FHIT: variants seen among roughly 807,000 people sequenced by gnomAD.
FHIT encodes the protein bis(5'-adenosyl)-triphosphatase.
A neutral mutation model predicts 17.9 loss-of-function variants in FHIT; 19 were observed. The observed-to-expected ratio is 1.06, with a 90% confidence interval of 0.74 to 1.56. FHIT has a LOEUF of 1.56. Ranked by LOEUF, FHIT falls within the 40% of genes most tolerant of loss-of-function variation. The probability of loss-of-function intolerance (pLI) is 0.00; values close to 1 mark genes in which losing one functional copy is unlikely to be tolerated. For synonymous variants in FHIT, 81 were observed against 69.7 expected, an observed-to-expected ratio of 1.16 and a Z score of -0.81; for missense variants, 248 against 189.2, an observed-to-expected ratio of 1.31 and a Z score of -1.82.
chr3:60,628,773 C>T (rs1553681687), intron 4 of FHIT, among the ~76,000 whole-genome samples: 1 of 152,176 alleles, frequency 6.6e-6, no homozygotes, highest in Non-Finnish European at 1.5e-5. Context: ...TGACATTCCC[C>T]CCACTGTTTC....
chr3:61,025,473 T>C (rs1437850642), intron 3 of FHIT, among the ~76,000 whole-genome samples: 1 of 152,180 alleles, frequency 6.6e-6, no homozygotes. Context: ...TAGTTTGCTC[T>C]TACCCTTTGA....
chr3:60,412,327 C>T (rs1702091804), intron 5 of FHIT, among the ~76,000 whole-genome samples: 2 of 151,998 alleles, frequency 1.3e-5, no homozygotes, highest in Non-Finnish European at 2.9e-5. Flanking sequence ...CCTCATAGTC[C>T]ATTAGCAGAT....
At chr3:60,834,510 A>T (rs1318424685) in intron 3 of FHIT, among the ~76,000 whole-genome samples, 3 of 151,380 alleles carry the variant, frequency 2.0e-5, no homozygotes, top group Non-Finnish European at 4.4e-5. Flanking sequence ...CCTTTGTCAG[A>T]TATGTAGTTT....
chr3:60,513,140 T>G (rs1044478485), intron 5 of FHIT, among the ~76,000 whole-genome samples: 1 of 152,216 alleles, frequency 6.6e-6, no homozygotes, highest in African/African-American at 2.4e-5. Flanking sequence ...TGCAGCAGAC[T>G]ACTGTTTGTT....
chr3:59,922,329 A>T lies in FHIT; in HGVS notation c.348+17T>A. The T allele has an allele frequency of 6.2e-7, 1 of 1,604,128 alleles. No homozygotes were observed. The highest frequency in any genetic ancestry group is 8.5e-7 in the Non-Finnish European group (1 of 1,170,948). On this transcript the variant is annotated intron_variant, in intron 8 of 9. Transcript: ENST00000492590. ...GTCCCCGTGATCAAACAATAAGATCAGAGAGAACAGACCCACCTCCTCATA... is the reference window on the plus strand; with the variant it reads ...GTCCCCGTGATCAAACAATAAGATCTGAGAGAACAGACCCACCTCCTCATA...
At chr3:60,819,378 G>A (rs558149501) in intron 4 of FHIT, among the ~76,000 whole-genome samples, 4 of 152,234 alleles carry the variant, frequency 2.6e-5, no homozygotes, top group Admixed American at 2.6e-4. Context: ...CTCTTAGACT[G>A]GTGGCATTTA....
At chr3:60,478,554 G>A (rs1415717117) in intron 5 of FHIT, among the ~76,000 whole-genome samples, 3 of 152,136 alleles carry the variant, frequency 2.0e-5, no homozygotes, top group Non-Finnish European at 4.4e-5. Context: ...AGTATGAGAA[G>A]AGTAACGATC....
At chr3:60,556,996 C>A (rs1407117827) in intron 4 of FHIT, among the ~76,000 whole-genome samples, 1 of 152,208 alleles carries the variant, frequency 6.6e-6, no homozygotes, top group Non-Finnish European at 1.5e-5. Flanking sequence ...AAGGAGAGAC[C>A]ATTCCGTTAG....
At chr3:61,094,419 A>C (rs1474734164) in intron 2 of FHIT, among the ~76,000 whole-genome samples, 1 of 152,206 alleles carries the variant, frequency 6.6e-6, no homozygotes, top group Non-Finnish European at 1.5e-5. Flanking sequence ...ATATCCACCT[A>C]AGAAGAATCT....
chr3:60,336,492 A>G (rs915811570), intron 5 of FHIT, among the ~76,000 whole-genome samples: 1 of 152,200 alleles, frequency 6.6e-6, no homozygotes, highest in African/African-American at 2.4e-5. Context: ...AATAGTTTAA[A>G]GTTCCCTTAT....
chr3:60,538,295 C>G (rs950250511), intron 4 of FHIT, among the ~76,000 whole-genome samples: 1 of 152,148 alleles, frequency 6.6e-6, no homozygotes, highest in South Asian at 2.1e-4. Context: ...AAAGAGGACA[C>G]AAACAAATGG....
chr3:60,955,988 A>G (rs1269529457), intron 3 of FHIT, among the ~76,000 whole-genome samples: 3 of 152,168 alleles, frequency 2.0e-5, no homozygotes, highest in African/African-American at 4.8e-5. Context: ...CAATATGGCA[A>G]TTCAAGAATA....
At chr3:59,902,644 A>C (rs1326094583) in intron 8 of FHIT, among the ~76,000 whole-genome samples, 1 of 152,214 alleles carries the variant, frequency 6.6e-6, no homozygotes, top group Non-Finnish European at 1.5e-5. Context: ...GCCATTCGCA[A>C]AAACATGATA....
At chr3:60,293,840 T>A (rs1268264957) in intron 5 of FHIT, among the ~76,000 whole-genome samples, 3 of 152,148 alleles carry the variant, frequency 2.0e-5, no homozygotes, top group Non-Finnish European at 4.4e-5. Context: ...AAGTTTTACA[T>A]GAATTAAGTC....
intron 5 of FHIT, among the ~76,000 whole-genome samples, chr3:60,214,707 G>A (rs542188947): frequency 1.4e-3 from 207 of 152,190 alleles, no homozygotes; most frequent in Admixed American, 3.0e-3. Context: ...AAAAAGACAT[G>A]TACACTCCTA....
chr3:60,871,409 A>ATAGTGCTATCAAACT (rs1308081346), intron 3 of FHIT, among the ~76,000 whole-genome samples: 1 of 152,078 alleles, frequency 6.6e-6, no homozygotes, highest in Non-Finnish European at 1.5e-5. Flanking sequence ...CAGCAAAAGG[A>ATAGTGCTATCAAACT]ACTCACCAAC....
intron 5 of FHIT, among the ~76,000 whole-genome samples, chr3:60,530,371 C>A (rs1285958278): frequency 1.3e-5 from 2 of 152,186 alleles, no homozygotes; most frequent in African/African-American, 4.8e-5. Context: ...GGGGCCAGGG[C>A]AAAGTGCACA....
chr3:60,547,857 C>T (rs1228135113), intron 4 of FHIT, among the ~76,000 whole-genome samples: 1 of 152,100 alleles, frequency 6.6e-6, no homozygotes, highest in African/African-American at 2.4e-5. Context: ...GGTTCAGTGA[C>T]ACAAAAGCAA....
At chr3:60,500,563 A>G (rs1001704651) in intron 5 of FHIT, among the ~76,000 whole-genome samples, 1 of 151,918 alleles carries the variant, frequency 6.6e-6, no homozygotes, top group Non-Finnish European at 1.5e-5. Context: ...TGAGGTCAGG[A>G]GTTTGAGACC....
Sources: gnomAD v4.1 joint callset for allele counts (sites outside exome capture counted in the v4.1 genomes callset) on GRCh38, gnomAD v4.1.1 for gene constraint, MANE v1.5 for transcripts, NCBI Gene and HGNC (gene_info 2026-07-23, HGNC 2026-07-21) for gene names.